GALNTL5: variants seen among roughly 807,000 people sequenced by gnomAD.
GALNTL5 encodes polypeptide N-acetylgalactosaminyltransferase like 5, also known as inactive polypeptide N-acetylgalactosaminyltransferase-like protein 5.
In GALNTL5, 44 loss-of-function variants were observed where a neutral mutation model predicts 51.0. The observed-to-expected ratio is 0.86, with a 90% CI of 0.68 to 1.11. The LOEUF (loss-of-function observed/expected upper bound fraction) is 1.11, where lower values mean the gene tolerates loss of function less well. Ranked by LOEUF, GALNTL5 falls within the 50% of genes least tolerant of loss-of-function variation. The pLI is 0.00. For missense variants in GALNTL5, 528 were observed against 531.8 expected (o/e 0.99, Z 0.07); for synonymous variants, 192 against 182.8 (o/e 1.05, Z -0.41).
chr7:151,963,795 T>A (rs2081023336), intron 1 of GALNTL5, among the ~76,000 whole-genome samples: 1 of 152,238 alleles, frequency 6.6e-6, no homozygotes, highest in South Asian at 2.1e-4. Context: ...GTTCCTCTGG[T>A]TGTATGACTG....
At chr7:152,008,295 G>T (rs945041921) in intron 7 of GALNTL5, among the ~76,000 whole-genome samples, 1 of 126,940 alleles carries the variant, frequency 7.9e-6, no homozygotes, top group South Asian at 2.7e-4. Context: ...TGCCCAGGGT[G>T]GTCTTGAACT....
At position 151,982,988 on chromosome 7, in the gene GALNTL5, G is replaced by A. The variant is rs771098985; in HGVS notation, c.371G>A (p.Cys124Tyr). ...CTTCATATTGCTTCTGCCTGCAGGTGTCTTCAAAAACATTACCCAGCCCGC... is the reference window on the plus strand; with the variant it reads ...CTTCATATTGCTTCTGCCTGCAGGTATCTTCAAAAACATTACCCAGCCCGC... ...REVPDTRSKMCLQKHYPARLP... is the reference protein window; with the variant it reads ...REVPDTRSKMYLQKHYPARLP... The change falls in exon 4 of 9, where the codon TGT becomes TAT. Residue 124 changes from cysteine to tyrosine, a missense_variant and splice_region_variant. Physicochemically the swap from Cys to Tyr is radical, Grantham distance 194. Coordinates refer to ENST00000392800, the MANE Select transcript of GALNTL5 (RefSeq NM_145292.4). 29 of 1,614,034 alleles carry A rather than the reference G, an allele frequency of 1.8e-5. No individual in the cohort carries two copies. Among genetic ancestry groups the A allele is most frequent in the East Asian group, 1.8e-4 (8 of 44,878 alleles).
intron 3 of GALNTL5, among the ~76,000 whole-genome samples, chr7:151,980,019 G>A (rs779812179): frequency 8.5e-5 from 13 of 152,070 alleles, no homozygotes; most frequent in Non-Finnish European, 1.6e-4. Flanking sequence ...TTGGCCTTCC[G>A]TTAATTCAGT....
intron 4 of GALNTL5, 101 bp downstream of exon 4, chr7:151,983,253 C>A: frequency 1.1e-6 from 1 of 937,620 alleles, no homozygotes; most frequent in Non-Finnish European, 1.7e-6. Flanking sequence ...TCTCGGCTCA[C>A]TGCAACCTCT....
intron 3 of GALNTL5, among the ~76,000 whole-genome samples, chr7:151,979,011 A>G (rs1450275942): frequency 6.6e-6 from 1 of 151,796 alleles, no homozygotes; most frequent in Non-Finnish European, 1.5e-5. Context: ...GTACTGAACT[A>G]TTATTAATGT....
intron 7 of GALNTL5, among the ~76,000 whole-genome samples, chr7:152,012,508 A>G (rs571668732): frequency 2.5e-4 from 38 of 152,354 alleles, no homozygotes; most frequent in Middle Eastern, 6.8e-3. Context: ...GAGATTTCTC[A>G]AAGAATTTAA....
chr7:151,989,679 T>G (rs1196990022), intron 5 of GALNTL5, among the ~76,000 whole-genome samples: 1 of 152,196 alleles, frequency 6.6e-6, no homozygotes, highest in Admixed American at 6.5e-5. Flanking sequence ...CTTGAAAAGT[T>G]TCACCAATTA....
At chr7:152,013,291 C>T (rs1410836085) in intron 7 of GALNTL5, among the ~76,000 whole-genome samples, 1 of 151,544 alleles carries the variant, frequency 6.6e-6, no homozygotes, top group African/African-American at 2.4e-5. Context: ...AACCCCCAGA[C>T]ATGCATTTTA....
intron 7 of GALNTL5, among the ~76,000 whole-genome samples, chr7:152,009,081 A>G (rs556421832): frequency 3.0e-4 from 46 of 152,322 alleles, no homozygotes; most frequent in African/African-American, 1.1e-3. Context: ...ATGGCCTGTC[A>G]TATCTTTTAA....
intron 5 of GALNTL5, among the ~76,000 whole-genome samples, chr7:152,001,267 T>C (rs1304031796): frequency 2.0e-5 from 3 of 152,022 alleles, no homozygotes; most frequent in Admixed American, 6.6e-5. Flanking sequence ...GTTTTTGCTT[T>C]TGATGAATTC....
chr7:152,019,447 G>A (rs1056133680), intron 8 of GALNTL5, among the ~76,000 whole-genome samples, 199 bp from the exon 9 acceptor site: 2 of 152,234 alleles, frequency 1.3e-5, no homozygotes, highest in African/African-American at 4.8e-5. Context: ...GGCACGTGCT[G>A]TGAACATATG....
chr7:152,007,348 T>A (rs185947574), intron 6 of GALNTL5, among the ~76,000 whole-genome samples: 25 of 152,128 alleles, frequency 1.6e-4, no homozygotes, highest in Middle Eastern at 3.4e-3. Flanking sequence ...CTACTTTTGT[T>A]GTGGTTTTTA....
At chr7:151,984,739 C>A (rs774866971) in intron 4 of GALNTL5, among the ~76,000 whole-genome samples, 10 of 152,114 alleles carry the variant, frequency 6.6e-5, no homozygotes, top group Non-Finnish European at 1.3e-4. Context: ...TGTTTGGTGA[C>A]TTGCTGGGCA....
At chr7:151,996,758 A>G (rs1337029648) in intron 5 of GALNTL5, among the ~76,000 whole-genome samples, 1 of 151,878 alleles carries the variant, frequency 6.6e-6, no homozygotes, top group Non-Finnish European at 1.5e-5. Context: ...CACAAAACAA[A>G]TTAAAACAAG....
At chr7:151,997,784 G>A (rs533391672) in intron 5 of GALNTL5, among the ~76,000 whole-genome samples, 1 of 152,274 alleles carries the variant, frequency 6.6e-6, no homozygotes, top group East Asian at 1.9e-4. Flanking sequence ...CTTTTAAAAT[G>A]TTTTTGTTGC....
At chr7:152,018,904 C>T (rs539866690) in intron 8 of GALNTL5, among the ~76,000 whole-genome samples, 1 of 152,148 alleles carries the variant, frequency 6.6e-6, no homozygotes, top group Non-Finnish European at 1.5e-5. Flanking sequence ...GAATGCCAGG[C>T]CTGGGAAAAC....
chr7:151,977,518 T>C (rs2081222041), intron 3 of GALNTL5, among the ~76,000 whole-genome samples: 1 of 152,208 alleles, frequency 6.6e-6, no homozygotes, highest in Non-Finnish European at 1.5e-5. Context: ...AAAGTCTATG[T>C]ATGATTCAAG....
At position 151,982,395 on chromosome 7, in the gene GALNTL5, CA is replaced by C. The variant is rs575527467; in HGVS notation, c.369-589del. Among the ~76,000 whole-genome samples, 323 of 152,234 alleles carry C rather than the reference CA, an allele frequency of 2.1e-3. 1 individual carries two copies. The highest frequency in any genetic ancestry group is 7.0e-3 in the African/African-American group (292 of 41,530). Reference sequence around the variant, plus strand: ...CACCATTACACTCCAGCCTGGGCAACAAGAGTGAAACTCCATCTCAAAAAGA... The same window carrying C: ...CACCATTACACTCCAGCCTGGGCAACAGAGTGAAACTCCATCTCAAAAAGA... On this transcript the variant is annotated intron_variant, in intron 3 of 8. Coordinates refer to ENST00000392800, the MANE Select transcript of GALNTL5 (RefSeq NM_145292.4).
intron 1 of GALNTL5, among the ~76,000 whole-genome samples, chr7:151,963,768 C>A (rs2081022833): frequency 6.6e-6 from 1 of 152,216 alleles, no homozygotes; most frequent in Non-Finnish European, 1.5e-5. Context: ...TCTCTCAATG[C>A]TCCTTTTTGA....
Sources: allele counts gnomAD v4.1 joint callset (sites outside exome capture counted in the v4.1 genomes callset), GRCh38; gene constraint gnomAD v4.1.1; transcripts MANE v1.5; gene names NCBI Gene and HGNC (gene_info 2026-07-23, HGNC 2026-07-21).